Variants in TENM4 observed in about 807,000 individuals in gnomAD.
The protein encoded by TENM4 is teneurin transmembrane protein 4, also known as teneurin-4.
A neutral mutation model predicts 243.3 loss-of-function variants in TENM4; 82 were observed. That is an observed-to-expected ratio of 0.34 (90% CI 0.28 to 0.40). The LOEUF is 0.40. TENM4 is among the 10% of genes least tolerant of loss of function. The pLI, the probability that TENM4 is intolerant of heterozygous loss-of-function variation, is 1.00. For synonymous variants in TENM4, 1,412 were observed against 1,456.3 expected (o/e 0.97, Z 0.69); for missense variants, 3,138 against 3,673.3 (o/e 0.85, Z 3.77).
rs796867161 is a variant in TENM4, at chr11:79,001,506, C to T, written c.493+63232G>A. Among the ~76,000 whole-genome samples, 131 of 152,226 alleles carry T rather than the reference C, an allele frequency of 8.6e-4. 2 individuals carry two copies. The highest frequency in any genetic ancestry group is 2.7e-3 in the African/African-American group (112 of 41,524). On this transcript the variant is annotated intron_variant, in intron 6 of 33. Coordinates refer to ENST00000278550, the MANE Select transcript of TENM4 (RefSeq NM_001098816.3). ...CCCCCAAATCCCATGAACACTTGAGCTGTCAAGGAGAGATGCTTATAGAGG... is the reference window on the plus strand; with the variant it reads ...CCCCCAAATCCCATGAACACTTGAGTTGTCAAGGAGAGATGCTTATAGAGG...
At chr11:78,974,115 C>A (rs1260363219) in intron 6 of TENM4, among the ~76,000 whole-genome samples, 1 of 152,164 alleles carries the variant, frequency 6.6e-6, no homozygotes. Context: ...AACTAAAGGT[C>A]AGGATGCCTG....
rs1305533925 is a variant in TENM4 at position 79,138,358 on chromosome 11, A to ATATATAATATAAATATAATATATAT, written c.-66+10327_-66+10351dup. On this transcript the variant is annotated intron_variant, in intron 4 of 33. Transcript: ENST00000278550. ...TATATATAATATATAAAAATATATA[A>ATATATAATATAAATATAATATATAT]TATATAATATAAATATAATATATAT... Among the ~76,000 whole-genome samples the ATATATAATATAAATATAATATATAT allele has an allele frequency of 5.5e-3, 681 of 123,906 alleles. 4 individuals carry two copies. The highest frequency in any genetic ancestry group is 8.6e-3 in the Non-Finnish European group (543 of 62,800). The allele number at this position is 123,906 out of a possible 152,430, so 81.3% of individuals were successfully genotyped here.
At chr11:79,339,128 T>C (rs1857201301) in intron 1 of TENM4, among the ~76,000 whole-genome samples, 1 of 151,964 alleles carries the variant, frequency 6.6e-6, no homozygotes, top group Admixed American at 6.6e-5. Flanking sequence ...ATCAGGAGAG[T>C]GGCAGGCCAA....
chr11:79,413,366 C>T (rs1353869175), intron 1 of TENM4, among the ~76,000 whole-genome samples: 1 of 147,658 alleles, frequency 6.8e-6, no homozygotes, highest in East Asian at 2.0e-4. Flanking sequence ...GTTTCAGCTC[C>T]TTGGACTCCA....
intron 2 of TENM4, among the ~76,000 whole-genome samples, chr11:79,260,676 T>C (rs1482156489): frequency 6.6e-6 from 1 of 152,100 alleles, no homozygotes; most frequent in African/African-American, 2.4e-5. Flanking sequence ...TAAATTACCA[T>C]TTGCTTTAAT....
intron 6 of TENM4, among the ~76,000 whole-genome samples, chr11:79,027,688 C>T (rs1859116300): frequency 6.6e-6 from 1 of 152,212 alleles, no homozygotes. Flanking sequence ...GACATTTCTT[C>T]TCTGGCCTTC....
At chr11:79,229,802 TGAGTG>T (rs1864341224) in intron 2 of TENM4, among the ~76,000 whole-genome samples, 1 of 152,142 alleles carries the variant, frequency 6.6e-6, no homozygotes, top group Non-Finnish European at 1.5e-5. Flanking sequence ...GCTGAATGAA[TGAGTG>T]ATACTGCTGG....
intron 1 of TENM4, among the ~76,000 whole-genome samples, chr11:79,431,157 G>A (rs1387363492): frequency 6.6e-6 from 1 of 152,142 alleles, no homozygotes; most frequent in Non-Finnish European, 1.5e-5. Context: ...CTACTACTCA[G>A]TACTTTATTT....
chr11:78,746,031 C>A lies in TENM4; in HGVS notation c.2757-7461G>T, dbSNP rs183733127. Among the ~76,000 whole-genome samples the A allele has an allele frequency of 3.9e-3, 597 of 152,286 alleles. 2 individuals are homozygous for A. Among genetic ancestry groups the A allele is most frequent in the African/African-American group, 0.014 (564 of 41,550 alleles). ...GCAGTGGCATGATCTTGGCTCACTG[C>A]AACCTCTACCTCCAGGGTTCAAGAG... is the stretch of plus-strand genomic sequence containing the variant. On this transcript the variant is annotated intron_variant, in intron 19 of 33. Transcript: ENST00000278550.
intron 3 of TENM4, among the ~76,000 whole-genome samples, chr11:79,192,300 C>T (rs965394134): frequency 2.6e-5 from 4 of 152,198 alleles, no homozygotes; most frequent in South Asian, 4.1e-4. Flanking sequence ...GCCATGATGA[C>T]GATGGCGGTT....
intron 17 of TENM4, among the ~76,000 whole-genome samples, chr11:78,773,988 G>A (rs979045120): frequency 6.6e-6 from 1 of 152,192 alleles, no homozygotes; most frequent in Admixed American, 6.5e-5. Context: ...GTAATAGAGC[G>A]AGGACTTTGG....
At chr11:78,660,491 G>C (rs1858001311) in intron 33 of TENM4, among the ~76,000 whole-genome samples, 1 of 152,102 alleles carries the variant, frequency 6.6e-6, no homozygotes. Context: ...CAGCGTACAG[G>C]GGTGCAGAAT....
chr11:79,092,515 C>T (rs1396831328), intron 4 of TENM4, among the ~76,000 whole-genome samples: 4 of 152,208 alleles, frequency 2.6e-5, no homozygotes, highest in Admixed American at 2.6e-4. Context: ...TAAGTGTGGC[C>T]TCTATCTTCT....
chr11:79,003,994 G>GAAAAA (rs34985685), intron 6 of TENM4, among the ~76,000 whole-genome samples: 1 of 130,990 alleles, frequency 7.6e-6, no homozygotes, highest in Non-Finnish European at 1.7e-5. Flanking sequence ...TCTAATTTCA[G>GAAAAA]AAAAAAAAAA....
intron 19 of TENM4, among the ~76,000 whole-genome samples, chr11:78,755,213 G>A (rs1856278717): frequency 6.6e-6 from 1 of 152,082 alleles, no homozygotes; most frequent in Non-Finnish European, 1.5e-5. Context: ...CACCCAGGCT[G>A]GAGTGCAGTG....
chr11:79,396,567 G>A (rs750228283), intron 1 of TENM4, among the ~76,000 whole-genome samples: 1 of 152,146 alleles, frequency 6.6e-6, no homozygotes. Context: ...CCTTTGCAGG[G>A]ACCCCTTCCA....
At chr11:79,038,074 G>T (rs1048420667) in intron 6 of TENM4, among the ~76,000 whole-genome samples, 8 of 152,190 alleles carry the variant, frequency 5.3e-5, no homozygotes, top group Non-Finnish European at 1.2e-4. Context: ...GTCAAAGCTG[G>T]ACAAAGGAAG....
intron 5 of TENM4, chr11:79,067,829 C>G (rs1344050568): frequency 6.6e-6 from 1 of 152,200 alleles, no homozygotes; most frequent in Non-Finnish European, 1.5e-5. Context: ...CCATCTCACT[C>G]AACATCTAGC....
intron 27 of TENM4, among the ~76,000 whole-genome samples, chr11:78,707,071 T>C (rs1299945197): frequency 6.6e-6 from 1 of 152,220 alleles, no homozygotes; most frequent in Admixed American, 6.5e-5. Context: ...TAGCGATACA[T>C]GTCAGTAACA....
Sources: allele counts gnomAD v4.1 joint callset (sites outside exome capture counted in the v4.1 genomes callset), GRCh38; gene constraint gnomAD v4.1.1; transcripts MANE v1.5; gene names NCBI Gene and HGNC (gene_info 2026-07-23, HGNC 2026-07-21).